Variants in EPHA3 observed in about 807,000 individuals in gnomAD.
EPHA3 encodes ephrin type-A receptor 3.
Under a neutral mutation model 107.1 loss-of-function variants are expected in EPHA3, and 42 were observed. That is an observed-to-expected ratio of 0.39 (90% CI 0.31 to 0.51). EPHA3 has a LOEUF of 0.51. Among genes scored for constraint, EPHA3 ranks in the 20% least tolerant of loss-of-function variants. The pLI is 0.78. For synonymous variants in EPHA3, 461 were observed against 424.8 expected (o/e 1.09, Z -1.05); for missense variants, 1,183 against 1,211.2 (o/e 0.98, Z 0.35).
chr3:89,113,746 G>GA (rs1553702935), intron 1 of EPHA3, among the ~76,000 whole-genome samples: 2 of 105,700 alleles, frequency 1.9e-5, no homozygotes, highest in East Asian at 4.9e-4. Context: ...GGTGGGGGGG[G>GA]GCTGCATTTC....
At chr3:89,419,961 T>G (rs1709325398) in intron 11 of EPHA3, among the ~76,000 whole-genome samples, 1 of 151,450 alleles carries the variant, frequency 6.6e-6, no homozygotes, top group Non-Finnish European at 1.5e-5. Flanking sequence ...GGATTCTTAC[T>G]GCTCTGTGGA....
chr3:89,450,320 G>C lies in EPHA3; in HGVS notation c.2640G>C (p.Lys880Asn), dbSNP rs2107555338. The C allele has an allele frequency of 6.2e-7, 1 of 1,613,834 alleles. No homozygotes were observed. Among genetic ancestry groups the C allele is most frequent in the African/African-American group, 1.3e-5 (1 of 75,042 alleles). The part of the protein sequence containing the change: ...KFEQIVSILD[K>N]LIRNPGSLKI... ...AGCAGATTGTTAGTATTCTGGACAA[G>C]CTTATCCGGAATCCCGGCAGCCTGA... Residue 880 changes from lysine (K) to asparagine (N), a missense_variant, in exon 15 of 17, where the codon AAG becomes AAC. Transcript: ENST00000336596.
At chr3:89,370,387 C>T (rs548770383) in intron 5 of EPHA3, among the ~76,000 whole-genome samples, 1 of 151,906 alleles carries the variant, frequency 6.6e-6, no homozygotes, top group Non-Finnish European at 1.5e-5. Flanking sequence ...AATCATCATT[C>T]TCAGTAAACT....
intron 13 of EPHA3, among the ~76,000 whole-genome samples, chr3:89,447,268 T>G (rs1191217627): frequency 6.6e-6 from 1 of 152,186 alleles, no homozygotes; most frequent in Non-Finnish European, 1.5e-5. Flanking sequence ...CAGTAGAAAC[T>G]GTCAACTATT....
chr3:89,367,208 T>C (rs899091884), intron 5 of EPHA3, among the ~76,000 whole-genome samples: 4 of 150,916 alleles, frequency 2.7e-5, no homozygotes, highest in African/African-American at 9.7e-5. Flanking sequence ...CTTGTAAACT[T>C]GCATAAACTC....
At chr3:89,441,920 A>G (rs555832340) in intron 13 of EPHA3, among the ~76,000 whole-genome samples, 1 of 152,242 alleles carries the variant, frequency 6.6e-6, no homozygotes, top group South Asian at 2.1e-4. Context: ...ATATTTCAGA[A>G]CCAAATTGGG....
chr3:89,371,313 T>C (rs1279227318), intron 5 of EPHA3, among the ~76,000 whole-genome samples: 1 of 151,738 alleles, frequency 6.6e-6, no homozygotes, highest in Non-Finnish European at 1.5e-5. Context: ...TCTGTTCTCA[T>C]ATCTTTAAGT....
chr3:89,221,650 C>G (rs983987427), intron 3 of EPHA3, among the ~76,000 whole-genome samples: 8 of 152,052 alleles, frequency 5.3e-5, no homozygotes, highest in African/African-American at 1.4e-4. Flanking sequence ...AGGAATATAC[C>G]ATTTGATCCT....
At chr3:89,272,212 AC>A (rs1705686504) in intron 3 of EPHA3, among the ~76,000 whole-genome samples, 1 of 151,760 alleles carries the variant, frequency 6.6e-6, no homozygotes, top group African/African-American at 2.4e-5. Flanking sequence ...GGAATCAGTG[AC>A]CCTAATTCCT....
At chr3:89,393,781 A>AT (rs66531830) in intron 5 of EPHA3, among the ~76,000 whole-genome samples, 2,589 of 151,430 alleles carry the variant, frequency 0.017, 89 homozygotes, top group African/African-American at 0.059. Flanking sequence ...GCAAAAATAA[A>AT]TTTTTTTTTA....
intron 3 of EPHA3, among the ~76,000 whole-genome samples, chr3:89,257,446 A>G (rs1235280218): frequency 6.6e-6 from 1 of 152,056 alleles, no homozygotes; most frequent in Non-Finnish European, 1.5e-5. Flanking sequence ...GATCTTTGCC[A>G]CTTCCCCACA....
intron 2 of EPHA3, among the ~76,000 whole-genome samples, chr3:89,146,541 A>G (rs1251516683): frequency 6.6e-6 from 1 of 152,020 alleles, no homozygotes; most frequent in Non-Finnish European, 1.5e-5. Context: ...TCTGGATATT[A>G]GACCTTTGTC....
At chr3:89,296,674 T>C (rs1240871551) in intron 3 of EPHA3, among the ~76,000 whole-genome samples, 1 of 152,182 alleles carries the variant, frequency 6.6e-6, no homozygotes, top group Non-Finnish European at 1.5e-5. Flanking sequence ...TCACCAGCTG[T>C]TGCATTAGCT....
intron 2 of EPHA3, among the ~76,000 whole-genome samples, chr3:89,135,232 C>T (rs1466928039): frequency 6.6e-6 from 1 of 152,156 alleles, no homozygotes; most frequent in East Asian, 1.9e-4. Context: ...AAATGACTGT[C>T]ACCCCTATTC....
intron 2 of EPHA3, among the ~76,000 whole-genome samples, chr3:89,145,170 G>T (rs1451738101): frequency 6.6e-6 from 1 of 151,526 alleles, no homozygotes; most frequent in East Asian, 1.9e-4. Context: ...TTGCCTACCT[G>T]AGTCATTGTT....
chr3:89,346,939 G>A (rs1340568307), intron 5 of EPHA3, among the ~76,000 whole-genome samples: 33 of 146,240 alleles, frequency 2.3e-4, no homozygotes, highest in Non-Finnish European at 3.3e-4. Context: ...GGTACGCGGC[G>A]TTATTTCTGA....
At chr3:89,271,982 T>C (rs547806016) in intron 3 of EPHA3, among the ~76,000 whole-genome samples, 120 of 152,188 alleles carry the variant, frequency 7.9e-4, no homozygotes, top group African/African-American at 2.8e-3. Flanking sequence ...CACTCCCATT[T>C]AATAAATAGC....
chr3:89,232,198 T>C (rs1426246279), intron 3 of EPHA3, among the ~76,000 whole-genome samples: 1 of 152,122 alleles, frequency 6.6e-6, no homozygotes, highest in African/African-American at 2.4e-5. Flanking sequence ...TATTTCCATT[T>C]GCTTATAAAA....
chr3:89,401,777 T>C (rs1278429211), intron 7 of EPHA3, among the ~76,000 whole-genome samples: 1 of 152,074 alleles, frequency 6.6e-6, no homozygotes, highest in Non-Finnish European at 1.5e-5. Context: ...CTGGCTAATT[T>C]TTTTTGTATT....
Sources: gnomAD v4.1 joint callset for allele counts (sites outside exome capture counted in the v4.1 genomes callset) on GRCh38, gnomAD v4.1.1 for gene constraint, MANE v1.5 for transcripts, NCBI Gene and HGNC (gene_info 2026-07-23, HGNC 2026-07-21) for gene names.